MPHOSPH9: variants seen among roughly 807,000 people sequenced by gnomAD.
MPHOSPH9 encodes M-phase phosphoprotein 9.
MPHOSPH9 carries 88 observed loss-of-function variants against 145.5 expected under a neutral mutation model. The observed-to-expected ratio is 0.60, with a 90% confidence interval of 0.51 to 0.72. The LOEUF (loss-of-function observed/expected upper bound fraction) is 0.72, where lower values mean the gene tolerates loss of function less well. Among genes scored for constraint, MPHOSPH9 ranks in the 30% least tolerant of loss-of-function variants. MPHOSPH9 has a pLI of 0.00. For synonymous variants in MPHOSPH9, 435 were observed against 486.2 expected (o/e 0.89, Z 1.39); for missense variants, 1,238 against 1,386.6 (o/e 0.89, Z 1.70).
At chr12:123,177,884 TAA>T in intron 15 of MPHOSPH9, among the ~76,000 whole-genome samples, 1 of 152,178 alleles carries the variant, frequency 6.6e-6, no homozygotes, top group Non-Finnish European at 1.5e-5. Flanking sequence ...TTCTAATTTT[TAA>T]AAAGAGGCCA....
At chr12:123,214,953 A>C in intron 6 of MPHOSPH9, 119 bp from the exon 7 acceptor site, 1 of 825,544 alleles carries the variant, frequency 1.2e-6, no homozygotes, top group Non-Finnish European at 2.0e-6. Context: ...GGTTCAAAGA[A>C]GAAAGCCTGG....
intron 5 of MPHOSPH9, among the ~76,000 whole-genome samples, chr12:123,220,071 G>A (rs1216354198): frequency 6.6e-6 from 1 of 151,898 alleles, no homozygotes; most frequent in Non-Finnish European, 1.5e-5. Flanking sequence ...GTACATGCCT[G>A]TAGTCCCAGC....
At chr12:123,239,603 C>T (rs533456854) in intron 1 of MPHOSPH9, among the ~76,000 whole-genome samples, 1 of 152,006 alleles carries the variant, frequency 6.6e-6, no homozygotes, top group African/African-American at 2.4e-5. Flanking sequence ...GGGGTTTCAC[C>T]GTGTTAGCCA....
intron 1 of MPHOSPH9, among the ~76,000 whole-genome samples, chr12:123,241,839 G>C (rs935012711): frequency 3.3e-5 from 5 of 152,184 alleles, no homozygotes; most frequent in African/African-American, 1.2e-4. Flanking sequence ...GTTGAATTTG[G>C]AAGCTGGAGG....
At position 123,181,152 on chromosome 12, in the gene MPHOSPH9, T is replaced by C; in HGVS notation, c.2289+11A>G. ...TGCATGAAATCTAGAACATGAACCA[T>C]TACCCCTTACCTTTACTCTCCTGTG... On this transcript the variant is annotated intron_variant, in intron 14 of 23. Coordinates refer to ENST00000606320, the MANE Select transcript of MPHOSPH9 (RefSeq NM_022782.4). 1 of 1,607,290 alleles carries C rather than the reference T, an allele frequency of 6.2e-7. No homozygotes were observed. The highest frequency in any genetic ancestry group is 1.3e-5 in the African/African-American group (1 of 74,950).
At chr12:123,213,958 A>G (rs1441855979) in intron 7 of MPHOSPH9, among the ~76,000 whole-genome samples, 1 of 152,176 alleles carries the variant, frequency 6.6e-6, no homozygotes, top group Non-Finnish European at 1.5e-5. Context: ...CTTAGGCTAG[A>G]AGCTGTGGAG....
intron 13 of MPHOSPH9, among the ~76,000 whole-genome samples, chr12:123,191,899 CAAAG>C (rs1353685375): frequency 1.3e-5 from 2 of 152,092 alleles, no homozygotes; most frequent in African/African-American, 2.4e-5. Flanking sequence ...ACTGATATAA[CAAAG>C]AAAGGACATG....
chr12:123,217,291 C>G (rs912090147), intron 6 of MPHOSPH9, among the ~76,000 whole-genome samples: 2 of 151,774 alleles, frequency 1.3e-5, no homozygotes, highest in Non-Finnish European at 1.5e-5. Context: ...TCTGTCTCCC[C>G]AGTTCAAGTG....
chr12:123,159,496 T>C lies in MPHOSPH9; in HGVS notation c.3450+1285A>G, dbSNP rs61041384. On this transcript the variant is annotated intron_variant, in intron 23 of 23. Coordinates refer to ENST00000606320, the MANE Select transcript of MPHOSPH9 (RefSeq NM_022782.4). The surrounding 1 kb of genome is among the most constrained non-coding windows in gnomAD (Gnocchi z 4.3). ...TTTTTTTTTGTTTTTTTTGTTGTTG[T>C]TGTTTTCCCAAACATACAGGTTTCA... Among the ~76,000 whole-genome samples the C allele has an allele frequency of 0.048, 7,273 of 152,180 alleles. 302 individuals are homozygous for C. The highest frequency in any genetic ancestry group is 0.25 in the East Asian group (1,316 of 5,172).
intron 3 of MPHOSPH9, among the ~76,000 whole-genome samples, chr12:123,226,611 C>T (rs1381095868): frequency 6.6e-6 from 1 of 151,648 alleles, no homozygotes; most frequent in Non-Finnish European, 1.5e-5. Context: ...GCCTCAAGTG[C>T]TGGGATTACA....
At chr12:123,160,470 GAGCACTAACTTAGTGTAAAATCTGTT>G in intron 23 of MPHOSPH9, 1 of 272,282 alleles carries the variant, frequency 3.7e-6, no homozygotes. Context: ...GGCAATCTGT[GAGCACTAACTTAGTGTAAAATCTGTT>G]GAAAAGCATA....
chr12:123,214,893 C>A, intron 6 of MPHOSPH9, 59 bp from the exon 7 acceptor site: 1 of 1,392,702 alleles, frequency 7.2e-7, no homozygotes, highest in Middle Eastern at 1.8e-4. Context: ...ATCTGCTGAC[C>A]CAAGAAATGA....
At chr12:123,234,428 C>G (rs1437182043), upstream of MPHOSPH9, among the ~76,000 whole-genome samples, 3 of 152,106 alleles carry the variant, frequency 2.0e-5, no homozygotes, top group Non-Finnish European at 2.9e-5. Context: ...CAAGGTCTCT[C>G]TCTGTCACCC....
chr12:123,208,105 C>A (rs2046523293), intron 8 of MPHOSPH9, among the ~76,000 whole-genome samples: 1 of 148,728 alleles, frequency 6.7e-6, no homozygotes, highest in South Asian at 2.1e-4. Flanking sequence ...ATAATCCCAG[C>A]TACTCAGGAG....
chr12:123,176,583 G>A, intron 16 of MPHOSPH9, 105 bp downstream of exon 16: 1 of 794,966 alleles, frequency 1.3e-6, no homozygotes. Flanking sequence ...GTTCTGTAAT[G>A]ACATTTAACC....
At chr12:123,226,504 A>G (rs1015916346) in intron 3 of MPHOSPH9, among the ~76,000 whole-genome samples, 3 of 151,886 alleles carry the variant, frequency 2.0e-5, no homozygotes, top group African/African-American at 7.3e-5. Context: ...TATCCTATGA[A>G]ATAAAATTTA....
chr12:123,218,351 G>A (rs773897787), intron 6 of MPHOSPH9, 25 bp downstream of exon 6: 94 of 1,612,916 alleles, frequency 5.8e-5, no homozygotes, highest in Non-Finnish European at 6.8e-5. Context: ...ACTGGAGCCC[G>A]CAGGGAAAGT....
upstream of MPHOSPH9, among the ~76,000 whole-genome samples, chr12:123,235,804 C>T (rs966033927): frequency 6.6e-6 from 1 of 152,054 alleles, no homozygotes; most frequent in African/African-American, 2.4e-5. Flanking sequence ...TGGCTCATGC[C>T]TGTACTCCCA....
chr12:123,224,224 T>C (rs975394347), intron 3 of MPHOSPH9, among the ~76,000 whole-genome samples: 3 of 146,992 alleles, frequency 2.0e-5, no homozygotes, highest in Non-Finnish European at 4.5e-5. Context: ...AAGCTCTGCC[T>C]CCTGGGTTCA....
Sources: gnomAD v4.1 joint callset for allele counts (sites outside exome capture counted in the v4.1 genomes callset) on GRCh38, gnomAD v4.1.1 for gene constraint, Gnocchi (gnomAD v3.1) non-coding constraint, MANE v1.5 for transcripts, NCBI Gene and HGNC (gene_info 2026-07-23, HGNC 2026-07-21) for gene names.